The following FAM120AOS variants were observed in gnomAD, a reference collection of about 807,000 sequenced individuals.
FAM120AOS encodes family with sequence similarity 120 member A opposite strand.
FAM120AOS carries 15 observed loss-of-function variants against 20.2 expected under a neutral mutation model. The observed-to-expected ratio is 0.74, with a 90% confidence interval of 0.50 to 1.15. FAM120AOS has a LOEUF of 1.15. Ranked by LOEUF, FAM120AOS falls within the 50% of genes most tolerant of loss-of-function variation. The pLI, the probability that FAM120AOS is intolerant of heterozygous loss-of-function variation, is 0.00. For missense variants in FAM120AOS, 327 were observed against 351.9 expected, an observed-to-expected ratio of 0.93 and a Z score of 0.57; for synonymous variants, 154 against 154.0, an observed-to-expected ratio of 1.00 and a Z score of 0.00.
At chr9:93,451,409 A>G in intron 1 of FAM120AOS, 3 of 1,348,554 alleles carry the variant, frequency 2.2e-6, no homozygotes, top group Non-Finnish European at 2.9e-6. Context: ...AACAGGGCGC[A>G]GGGGAGGGGA....
intron 1 of FAM120AOS, chr9:93,451,338 G>A (rs947938061): frequency 7.7e-6 from 11 of 1,432,822 alleles, no homozygotes; most frequent in Non-Finnish European, 1.0e-5. Flanking sequence ...GACCTGCTTC[G>A]CGGCTTCCCT....
At position 93,443,850 on chromosome 9, in the gene FAM120AOS, A is replaced by T. The variant is rs890778344; in HGVS notation, c.*3761T>A. On this transcript the variant is annotated 3_prime_UTR_variant, in exon 3 of 3. Transcript: ENST00000375412. ...TTTCCTCATCCTCTGGCTTAGAAAG[A>T]TGGGCTTTCTCTCTGATGATTACCT... is the stretch of plus-strand genomic sequence containing the variant. 1.3e-5 allele frequency among the ~76,000 whole-genome samples: 2 copies of T among 151,976 alleles called. No homozygotes were observed. The highest frequency in any genetic ancestry group is 1.3e-4 in the Admixed American group (2 of 15,278).
Position 93,452,149 on chromosome 9 carries a change from G to A in FAM120AOS, c.561C>T (p.Ala187=). ...AGTGGAACCACATGCTTGGCTACCT[G>A]GCGGCGCTGGCCAAGGCCTGCTTCG... ...LPPKQALASA[A]RNLCRGAGCN... The change falls in exon 1 of 3, where the codon GCC becomes GCT. Residue 187 remains alanine, a splice_region_variant and synonymous_variant. Transcript: ENST00000375412. The surrounding 1 kb of genome is among the most constrained non-coding windows in gnomAD (Gnocchi z 7.0). The A allele has an allele frequency of 6.2e-7, 1 of 1,611,886 alleles. No homozygotes were observed.
chr9:93,452,177 G>A lies in FAM120AOS; in HGVS notation c.533C>T (p.Pro178Leu), dbSNP rs763525148. 2.2e-5 allele frequency: 35 copies of A among 1,611,602 alleles called. No individual in the cohort carries two copies. The highest frequency in any genetic ancestry group is 1.7e-6 in the Non-Finnish European group (2 of 1,179,722). ...PLKKTKSSML[P>L]PKQALASAAR... ...GGCGCTGGCCAAGGCCTGCTTCGGCGGCAACATCGAGCTCTTCGTCTTCTT... is the reference window on the plus strand; with the variant it reads ...GGCGCTGGCCAAGGCCTGCTTCGGCAGCAACATCGAGCTCTTCGTCTTCTT... Residue 178 changes from proline (P) to leucine (L), a missense_variant, in exon 1 of 3, where the codon CCG becomes CTG. Physicochemically the swap from Pro to Leu is moderately conservative, Grantham distance 98 (BLOSUM62 -3). Around this residue, in one of 3 missense-constraint regions of FAM120AOS, gnomAD observed 86 missense variants for 140.2 expected, o/e 0.61. Coordinates refer to ENST00000375412, the MANE Select transcript of FAM120AOS (RefSeq NM_198841.4). This position sits in a 1 kb window ranked among gnomAD's most constrained non-coding sequence, Gnocchi z 7.0.
At position 93,446,065 on chromosome 9, in the gene FAM120AOS, T is replaced by C. The variant is rs1014794219; in HGVS notation, c.*1546A>G. The stretch of plus-strand genomic sequence containing the variant: ...CTGGGAGGAATGGGGAAGGGGACTT[T>C]ATAGGGCAGAGCTTTCCCAGACTCT... On this transcript the variant is annotated 3_prime_UTR_variant, in exon 3 of 3. Transcript: ENST00000375412. 1.3e-5 allele frequency among the ~76,000 whole-genome samples: 2 copies of C among 152,152 alleles called. No homozygotes were observed. The highest frequency in any genetic ancestry group is 4.8e-5 in the African/African-American group (2 of 41,410).
At chr9:93,451,886 C>G in intron 1 of FAM120AOS, 2 of 1,230,134 alleles carry the variant, frequency 1.6e-6, no homozygotes, top group Non-Finnish European at 2.0e-6. Context: ...GCCCCCCGCC[C>G]GCACCCGCGC....
Position 93,447,700 on chromosome 9 carries a change from G to GA in FAM120AOS, c.685-4dup, listed in dbSNP as rs1564290959. 8.2e-6 allele frequency: 13 copies of GA among 1,585,718 alleles called. No homozygotes were observed. In the Admixed American group the frequency reaches 1.3e-4, roughly 16 times the overall value. ...TTGACAGAACAGCTTCTGGAAATCT[G>GA]AAAAGAAAAAAAAAAAGGTAGTTTA... On this transcript the variant is annotated splice_region_variant and splice_polypyrimidine_tract_variant and intron_variant, in intron 2 of 2. Transcript: ENST00000375412.
Position 93,452,502 on chromosome 9 carries a change from C to A in FAM120AOS, c.208G>T (p.Gly70Ter). The A allele has an allele frequency of 1.3e-6, 2 of 1,547,864 alleles. No homozygotes were observed. The highest frequency in any genetic ancestry group is 1.7e-6 in the Non-Finnish European group (2 of 1,151,816). Residue 70 changes from glycine (G) to a stop codon, truncating the protein, a stop_gained, in exon 1 of 3, where the codon GGA becomes TGA. Coordinates refer to ENST00000375412, the MANE Select transcript of FAM120AOS (RefSeq NM_198841.4). LOFTEE classifies it high-confidence loss of function. The surrounding 1 kb of genome is among the most constrained non-coding windows in gnomAD (Gnocchi z 7.0). ...TGGCGGCGCTGGGGGCAGCGAGTTC[C>A]CCCAGCCCTTGCCCGGGATAGCCTG... Reference protein sequence around the residue: ...PARLSRARAGGTRCPQRRHGR... With the variant: ...PARLSRARAG
chr9:93,450,357 C>G, intron 2 of FAM120AOS, 122 bp downstream of exon 2: 1 of 1,424,998 alleles, frequency 7.0e-7, no homozygotes, highest in Admixed American at 2.5e-5. Flanking sequence ...AGTGGCATAA[C>G]TTGTCAGCCT....
intron 1 of FAM120AOS, chr9:93,451,220 G>A (rs926703734): frequency 1.8e-5 from 28 of 1,527,472 alleles, no homozygotes; most frequent in Admixed American, 8.2e-5. Flanking sequence ...AGCCGACGGC[G>A]GCGTTAGAAA....
At position 93,443,702 on chromosome 9, in the gene FAM120AOS, C is replaced by T. The variant is rs112907784; in HGVS notation, c.*3909G>A. 0.019 allele frequency among the ~76,000 whole-genome samples: 2,860 copies of T among 152,260 alleles called. 92 individuals are homozygous for T. Among genetic ancestry groups the T allele is most frequent in the African/African-American group, 0.059 (2,455 of 41,526 alleles). On this transcript the variant is annotated 3_prime_UTR_variant, in exon 3 of 3. Transcript: ENST00000375412. The stretch of plus-strand genomic sequence containing the variant: ...TGGCTGTGTTGCCTGGGCTCTGTCT[C>T]TTGTATGTGCAGCTCTGGGCTGAGC...
At chr9:93,450,866 G>A in intron 1 of FAM120AOS, 1 of 912,120 alleles carries the variant, frequency 1.1e-6, no homozygotes, top group South Asian at 1.4e-5. Context: ...AGAAGAGCTG[G>A]GAGATCCACT....
At position 93,447,234 on chromosome 9, in the gene FAM120AOS, C is replaced by G. The variant is rs75779550; in HGVS notation, c.*377G>C. 1,516 of 186,584 alleles carry G rather than the reference C, an allele frequency of 8.1e-3. 23 individuals are homozygous for G. The highest frequency in any genetic ancestry group is 0.034 in the African/African-American group (1,436 of 42,834). The allele number at this position is 186,584 out of a possible 1,614,324, so 11.6% of individuals were successfully genotyped here. On this transcript the variant is annotated 3_prime_UTR_variant, in exon 3 of 3. Transcript: ENST00000375412. ...TTCCTCTTTTTTTCTATGCAAGTAT[C>G]TATTTGTCTATATGTCTGTCTACCT...
chr9:93,448,834 A>C (rs1410539021), intron 2 of FAM120AOS, among the ~76,000 whole-genome samples: 1 of 151,952 alleles, frequency 6.6e-6, no homozygotes, highest in Non-Finnish European at 1.5e-5. Context: ...CGTGTTAGCC[A>C]GGATGGTCTG....
Position 93,447,839 on chromosome 9 carries a change from G to C in FAM120AOS, c.685-142C>G, listed in dbSNP as rs1281790597. 3 of 709,346 alleles carry C rather than the reference G, an allele frequency of 4.2e-6. No homozygotes were observed. The African/African-American group carries it at 5.3e-5, about 13-fold the overall frequency. The allele number at this position is 709,346 out of a possible 1,614,324, so 43.9% of individuals were successfully genotyped here. A position where few individuals can be genotyped will look rare whatever the true frequency, so the allele number is the denominator to read the frequency against. On this transcript the variant is annotated intron_variant, in intron 2 of 2. Coordinates refer to ENST00000375412, the MANE Select transcript of FAM120AOS (RefSeq NM_198841.4). ...TGCTGATAACTCATAGTACTGGAGAGATAGCAGAGCCTGAAGACCAAAAAA... is the reference window on the plus strand; with the variant it reads ...TGCTGATAACTCATAGTACTGGAGACATAGCAGAGCCTGAAGACCAAAAAA...
Position 93,447,411 on chromosome 9 carries a change from C to T in FAM120AOS, c.*200G>A. ...CTGACTTAGGACATATCACTTTCCTCTCTTGACCTTCACATTCAGATGTGT... is the reference window on the plus strand; with the variant it reads ...CTGACTTAGGACATATCACTTTCCTTTCTTGACCTTCACATTCAGATGTGT... On this transcript the variant is annotated 3_prime_UTR_variant, in exon 3 of 3. Coordinates refer to ENST00000375412, the MANE Select transcript of FAM120AOS (RefSeq NM_198841.4). 1 of 570,232 alleles carries T rather than the reference C, an allele frequency of 1.8e-6. No individual in the cohort carries two copies. Among genetic ancestry groups the T allele is most frequent in the South Asian group, 2.1e-5 (1 of 46,832 alleles). 35.3% of individuals were successfully genotyped at this position (570,232 alleles called of 1,614,324 possible). A position where few individuals can be genotyped will look rare whatever the true frequency, so the allele number is the denominator to read the frequency against.
In FAM120AOS at chr9:93,452,534, C is replaced by T; in HGVS notation, c.176G>A (p.Gly59Asp). ...CCTTGCCCGGGATAGCCTGGCCGGG[C>T]CGGGCTGCAAGATGGATGGCCGCGG... is the stretch of plus-strand genomic sequence containing the variant. ...LHPRPSILQP[G>D]PARLSRARAG... Residue 59 changes from glycine to aspartate, a missense_variant, in exon 1 of 3, where the codon GGC (glycine) becomes GAC (aspartate). Physicochemically the swap from Gly to Asp is moderately conservative, Grantham distance 94 (BLOSUM62 -1). Around this residue, in one of 3 missense-constraint regions of FAM120AOS, gnomAD observed 155 missense variants for 128.8 expected, o/e 1.20. Transcript: ENST00000375412. The surrounding 1 kb of genome is among the most constrained non-coding windows in gnomAD (Gnocchi z 7.0). 6.4e-7 allele frequency: 1 copy of T among 1,563,990 alleles called. No homozygotes were observed. The highest frequency in any genetic ancestry group is 8.6e-7 in the Non-Finnish European group (1 of 1,160,734).
In FAM120AOS at chr9:93,447,330, C is replaced by T. The variant is rs1856883176; in HGVS notation, c.*281G>A. 2 of 349,142 alleles carry T rather than the reference C, an allele frequency of 5.7e-6. No homozygotes were observed. The highest frequency in any genetic ancestry group is 9.8e-5 in the South Asian group (2 of 20,338). The allele number at this position is 349,142 out of a possible 1,614,324, so 21.6% of individuals were successfully genotyped here. On this transcript the variant is annotated 3_prime_UTR_variant, in exon 3 of 3. Transcript: ENST00000375412. The stretch of plus-strand genomic sequence containing the variant: ...CATATCCCCAGTAGCTGGCCAATGC[C>T]CAGTATACACCAGGGGCTCAGTCGC...
chr9:93,450,970 G>A, intron 1 of FAM120AOS: 1 of 1,463,920 alleles, frequency 6.8e-7, no homozygotes, highest in Non-Finnish European at 9.4e-7. Flanking sequence ...AGTCTCTTCC[G>A]TGACGAGCAG....
Sources: allele counts gnomAD v4.1 joint callset (sites outside exome capture counted in the v4.1 genomes callset), GRCh38; gene constraint gnomAD v4.1.1; regional missense constraint gnomAD v4.1.1; non-coding constraint Gnocchi (gnomAD v3.1); transcripts MANE v1.5; gene names NCBI Gene and HGNC (gene_info 2026-07-23, HGNC 2026-07-21).